ABCC12: variants seen among roughly 807,000 people sequenced by gnomAD.
The protein encoded by ABCC12 is ATP-binding cassette sub-family C member 12.
In ABCC12, 142 loss-of-function variants were observed where a neutral mutation model predicts 151.1. The ratio of observed to expected loss-of-function variants is 0.94; its 90% CI spans 0.82 to 1.08. The LOEUF (loss-of-function observed/expected upper bound fraction) is 1.08, where lower values mean the gene tolerates loss of function less well. Among genes scored for constraint, ABCC12 ranks in the 50% least tolerant of loss-of-function variants. ABCC12 has a pLI of 0.00. For synonymous variants in ABCC12, 645 were observed against 646.4 expected, an observed-to-expected ratio of 1.00 and a Z score of 0.03; for missense variants, 1,638 against 1,691.1, an observed-to-expected ratio of 0.97 and a Z score of 0.55.
chr16:48,139,361 A>T, intron 6 of ABCC12, 25 bp from the exon 7 acceptor site: 1 of 1,573,230 alleles, frequency 6.4e-7, no homozygotes. Flanking sequence ...GCAAAGGTTC[A>T]GGCTTTGGAA....
At chr16:48,128,103 A>C (rs1054694194) in intron 11 of ABCC12, among the ~76,000 whole-genome samples, 1 of 152,170 alleles carries the variant, frequency 6.6e-6, no homozygotes, top group African/African-American at 2.4e-5. Context: ...TGGGCAAAAG[A>C]GTAAGACCCT....
chr16:48,113,645 G>A (rs1171341751), intron 15 of ABCC12, among the ~76,000 whole-genome samples: 1 of 152,158 alleles, frequency 6.6e-6, no homozygotes. Context: ...CATTCTCCCT[G>A]ACAAGGCACA....
At position 48,083,910 on chromosome 16, in the gene ABCC12, T is replaced by A; in HGVS notation, c.3992A>T (p.Lys1331Met). The change falls in exon 30 of 31, where the codon AAG (lysine) becomes ATG (methionine). Residue 1331 changes from lysine (K) to methionine (M), a missense_variant and splice_region_variant. Physicochemically the swap from Lys to Met is moderately conservative, Grantham distance 95. Transcript: ENST00000311303. Reference sequence around the variant, plus strand: ...TGAAGCCAAAAGAGCTTCCTATACCTTCCCATTTTCCATAACCAGGACGTG... The same window carrying A: ...TGAAGCCAAAAGAGCTTCCTATACCATCCCATTTTCCATAACCAGGACGTG... ...CDHVLVMENG[K>M]VIEFDKPEVL... The A allele has an allele frequency of 6.2e-7, 1 of 1,611,928 alleles. No homozygotes were observed. The highest frequency in any genetic ancestry group is 8.5e-7 in the Non-Finnish European group (1 of 1,179,432).
chr16:48,113,150 G>A (rs1329091265), intron 15 of ABCC12, among the ~76,000 whole-genome samples: 1 of 152,168 alleles, frequency 6.6e-6, no homozygotes, highest in African/African-American at 2.4e-5. Flanking sequence ...TGCTGCTCTT[G>A]ATTACAAGCC....
chr16:48,085,621 A>G lies in ABCC12; in HGVS notation c.3800T>C (p.Val1267Ala). Residue 1267 changes from valine (V) to alanine (A), a missense_variant, in exon 29 of 31, where the codon GTG (valine) becomes GCG (alanine). Val to Ala is a moderately conservative substitution (Grantham distance 64). Transcript: ENST00000311303. ...TGAATTACGGAGAAGAGCTCGGGCC[A>G]CACAAAGCAGCTGACGTTCCCCTAC... is the stretch of plus-strand genomic sequence containing the variant. ...FSVGERQLLCVARALLRNSKI... is the reference protein window; with the variant it reads ...FSVGERQLLCAARALLRNSKI... The G allele has an allele frequency of 3.7e-6, 6 of 1,614,178 alleles. No homozygotes were observed. Among genetic ancestry groups the G allele is most frequent in the Non-Finnish European group, 5.1e-6 (6 of 1,180,010 alleles).
chr16:48,154,126 T>A lies in ABCC12; in HGVS notation c.-319-242A>T, dbSNP rs191869202. Reference sequence around the variant, plus strand: ...TGGCTCTGTTCTTGGCATTGTGTTTTCCATGCAGAGCATCTGAGGGTTGGC... The same window carrying A: ...TGGCTCTGTTCTTGGCATTGTGTTTACCATGCAGAGCATCTGAGGGTTGGC... On this transcript the variant is annotated intron_variant, in intron 1 of 30. Coordinates refer to ENST00000311303, the MANE Select transcript of ABCC12 (RefSeq NM_001393797.1). 1.6e-3 allele frequency among the ~76,000 whole-genome samples: 243 copies of A among 152,218 alleles called. 1 individual carries two copies. The highest frequency in any genetic ancestry group is 5.5e-3 in the African/African-American group (230 of 41,524).
intron 26 of ABCC12, 63 bp downstream of exon 26, chr16:48,088,477 AACTAG>A (rs1962722044): frequency 2.0e-6 from 3 of 1,533,844 alleles, no homozygotes; most frequent in Admixed American, 3.6e-5. Flanking sequence ...GGTGTGACTT[AACTAG>A]GACATCCAGT....
intron 24 of ABCC12, among the ~76,000 whole-genome samples, chr16:48,094,414 C>T (rs772621791): frequency 1.4e-4 from 21 of 152,158 alleles, no homozygotes; most frequent in South Asian, 2.1e-4. Flanking sequence ...GGAAAGAGGA[C>T]GAAAGCCTTT....
At chr16:48,118,322 C>T (rs1181937938) in intron 13 of ABCC12, among the ~76,000 whole-genome samples, 1 of 152,194 alleles carries the variant, frequency 6.6e-6, no homozygotes, top group Non-Finnish European at 1.5e-5. Context: ...CTCATACAGC[C>T]CCCACCATAA....
intron 10 of ABCC12, 106 bp downstream of exon 10, chr16:48,130,682 C>A: frequency 1.2e-6 from 1 of 830,886 alleles, no homozygotes; most frequent in Admixed American, 2.2e-5. Context: ...GTCAACTCAA[C>A]AAGCGACCCA....
Position 48,144,009 on chromosome 16 carries a change from C to T in ABCC12, c.176G>A (p.Trp59Ter). 1 of 1,614,188 alleles carries T rather than the reference C, an allele frequency of 6.2e-7. No homozygotes were observed. Among genetic ancestry groups the T allele is most frequent in the Non-Finnish European group, 8.5e-7 (1 of 1,180,038 alleles). Reference sequence around the variant, plus strand: ...GCCTTTCACCATCACCGGCGTGAGCCAGGAAAATGTGGCGAAGGAGAGTAG... The same window carrying T: ...GCCTTTCACCATCACCGGCGTGAGCTAGGAAAATGTGGCGAAGGAGAGTAG... ...AGLLSFATFS[W>*]LTPVMVKGYR... is the part of the protein sequence containing the mutation. Residue 59 changes from tryptophan (W) to a stop codon, truncating the protein, a stop_gained, in exon 4 of 31, where the codon TGG (tryptophan) becomes TAG (stop). Transcript: ENST00000311303. LOFTEE classifies it high-confidence loss of function.
chr16:48,140,963 C>A, intron 5 of ABCC12, 43 bp from the exon 6 acceptor site: 2 of 1,575,676 alleles, frequency 1.3e-6, no homozygotes, highest in Non-Finnish European at 1.7e-6. Flanking sequence ...CCACTGAGGG[C>A]TGAGGCTGGC....
rs190233309 is a variant in ABCC12, at chr16:48,082,716, C to T, written c.*999G>A. On this transcript the variant is annotated 3_prime_UTR_variant, in exon 31 of 31. Transcript: ENST00000311303. ...GGGCCTGGAAAGCAGGCCCAGGGAA[C>T]CTCATGGGGCCTTCATTCCTGATGA... Among the ~76,000 whole-genome samples, 1,091 of 152,296 alleles carry T rather than the reference C, an allele frequency of 7.2e-3. 12 individuals carry two copies. The highest frequency in any genetic ancestry group is 0.031 in the Middle Eastern group (9 of 292).
rs149869986 is a variant in ABCC12, at chr16:48,122,381, A to T, written c.1588-541T>A. 7.3e-3 allele frequency among the ~76,000 whole-genome samples: 1,113 copies of T among 152,358 alleles called. 14 individuals carry two copies. The highest frequency in any genetic ancestry group is 0.026 in the African/African-American group (1,063 of 41,592). On this transcript the variant is annotated intron_variant, in intron 12 of 30. Coordinates refer to ENST00000311303, the MANE Select transcript of ABCC12 (RefSeq NM_001393797.1). ...ATTTTCTAATTTGTCCAGAGGAGTCAAAGATCCAGTTTTATATGACATCTT... is the reference window on the plus strand; with the variant it reads ...ATTTTCTAATTTGTCCAGAGGAGTCTAAGATCCAGTTTTATATGACATCTT...
intron 13 of ABCC12, among the ~76,000 whole-genome samples, chr16:48,120,534 G>A (rs570750523): frequency 1.3e-5 from 2 of 151,484 alleles, no homozygotes; most frequent in East Asian, 3.9e-4. Context: ...TGTCCACGGT[G>A]ATCACGGTAT....
chr16:48,087,756 G>A, intron 27 of ABCC12, 170 bp downstream of exon 27: 5 of 656,036 alleles, frequency 7.6e-6, no homozygotes, highest in Non-Finnish European at 1.0e-5. Flanking sequence ...CTCCTCCCAA[G>A]GCTGGATGCA....
At chr16:48,088,191 T>G (rs1296600390) in intron 26 of ABCC12, 106 bp from the exon 27 acceptor site, 2 of 1,317,250 alleles carry the variant, frequency 1.5e-6, no homozygotes, top group African/African-American at 2.9e-5. Flanking sequence ...AATGTCTCCG[T>G]AAGGATGACA....
rs866003769 is a variant in ABCC12 at position 48,096,743 on chromosome 16, T to C, written c.3195+3A>G. On this transcript the variant is annotated splice_donor_region_variant and intron_variant, in intron 24 of 30. Coordinates refer to ENST00000311303, the MANE Select transcript of ABCC12 (RefSeq NM_001393797.1). The stretch of plus-strand genomic sequence containing the variant: ...CTAAGCCCAACTTTGCACCAGGCAT[T>C]ACCTGGATGATGTATGACAATGACA... 1.1e-5 allele frequency: 17 copies of C among 1,613,828 alleles called. No homozygotes were observed. Among genetic ancestry groups the C allele is most frequent in the Middle Eastern group, 1.7e-4 (1 of 6,056 alleles).
rs1200431232 is a variant in ABCC12 at position 48,096,727 on chromosome 16, A to G, written c.3195+19T>C. 2 of 1,613,760 alleles carry G rather than the reference A, an allele frequency of 1.2e-6. No individual in the cohort carries two copies. Among genetic ancestry groups the G allele is most frequent in the South Asian group, 1.1e-5 (1 of 91,056 alleles). On this transcript the variant is annotated intron_variant, in intron 24 of 30. Coordinates refer to ENST00000311303, the MANE Select transcript of ABCC12 (RefSeq NM_001393797.1). ...GGCCGGAGCCTCCAGACTAAGCCCA[A>G]CTTTGCACCAGGCATTACCTGGATG...
Sources: gnomAD v4.1 joint callset for allele counts (sites outside exome capture counted in the v4.1 genomes callset) on GRCh38, gnomAD v4.1.1 for gene constraint, MANE v1.5 for transcripts, NCBI Gene and HGNC (gene_info 2026-07-23, HGNC 2026-07-21) for gene names.